NOS1AP: variants seen among roughly 807,000 people sequenced by gnomAD.
NOS1AP encodes the protein carboxyl-terminal PDZ ligand of neuronal nitric oxide synthase protein.
In NOS1AP, 21 loss-of-function variants were observed where a neutral mutation model predicts 56.2. The observed-to-expected ratio is 0.37, with a 90% CI of 0.26 to 0.54. The LOEUF is 0.54. Ranked by LOEUF, NOS1AP falls within the 20% of genes least tolerant of loss-of-function variation. NOS1AP has a pLI of 0.84. For synonymous variants in NOS1AP, 270 were observed against 274.6 expected, an observed-to-expected ratio of 0.98 and a Z score of 0.17; for missense variants, 522 against 657.8, an observed-to-expected ratio of 0.79 and a Z score of 2.26.
At chr1:162,155,915 A>C (rs1649954237) in intron 2 of NOS1AP, among the ~76,000 whole-genome samples, 1 of 152,206 alleles carries the variant, frequency 6.6e-6, no homozygotes, top group Admixed American at 6.5e-5. Context: ...TCTGTAGAAT[A>C]ATCTACTCAC....
chr1:162,169,598 G>A (rs752274702), intron 2 of NOS1AP, among the ~76,000 whole-genome samples: 11 of 152,180 alleles, frequency 7.2e-5, no homozygotes, highest in Non-Finnish European at 1.5e-4. Context: ...CTGTATGCAC[G>A]TGGCATGTGT....
chr1:162,123,847 CCTT>C lies in NOS1AP; in HGVS notation c.106-30552_106-30550del, dbSNP rs1411125499. Among the ~76,000 whole-genome samples, 3 of 152,068 alleles carry C rather than the reference CCTT, an allele frequency of 2.0e-5. No individual in the cohort carries two copies. The East Asian group carries it at 5.8e-4, about 29-fold the overall frequency. ...AAGAGTAAGTTACAGACAAGATGTTCCTTCTTCTATAAGTCCTTCAGAGTGGAT... is the reference window on the plus strand; with the variant it reads ...AAGAGTAAGTTACAGACAAGATGTTCCTTCTATAAGTCCTTCAGAGTGGAT... On this transcript the variant is annotated intron_variant, in intron 1 of 9. Coordinates refer to ENST00000361897, the MANE Select transcript of NOS1AP (RefSeq NM_014697.3).
chr1:162,296,884 C>T (rs1379855564), intron 3 of NOS1AP, among the ~76,000 whole-genome samples: 1 of 152,202 alleles, frequency 6.6e-6, no homozygotes, highest in East Asian at 1.9e-4. Flanking sequence ...AATAGAGTCA[C>T]AGGTCACAAA....
Position 162,070,092 on chromosome 1 carries a change from C to G in NOS1AP, c.-86C>G, listed in dbSNP as rs1028866794. 4.7e-5 allele frequency: 53 copies of G among 1,124,280 alleles called. No individual in the cohort carries two copies. Among genetic ancestry groups the G allele is most frequent in the Non-Finnish European group, 6.8e-5 (51 of 749,572 alleles). The allele number at this position is 1,124,280 out of a possible 1,614,324, so 69.6% of individuals were successfully genotyped here. A position where few individuals can be genotyped will look rare whatever the true frequency, so the allele number is the denominator to read the frequency against. On this transcript the variant is annotated 5_prime_UTR_variant, in exon 1 of 10. Coordinates refer to ENST00000361897, the MANE Select transcript of NOS1AP (RefSeq NM_014697.3). ...CAGGCCCCGCCACGCGTCGCCGCGC[C>G]CAGCTCCAGTCTCCCCTCCCCGGGG...
chr1:162,156,036 G>A (rs935006789), intron 2 of NOS1AP, among the ~76,000 whole-genome samples: 2 of 152,180 alleles, frequency 1.3e-5, no homozygotes, highest in Admixed American at 6.5e-5. Flanking sequence ...TGACAGCAAC[G>A]TTGGGAAGAA....
chr1:162,092,968 T>A (rs1269650483), intron 1 of NOS1AP, among the ~76,000 whole-genome samples: 1 of 152,240 alleles, frequency 6.6e-6, no homozygotes, highest in African/African-American at 2.4e-5. Flanking sequence ...TATTTTCTTT[T>A]GCAGTTTATC....
intron 3 of NOS1AP, among the ~76,000 whole-genome samples, chr1:162,296,822 A>G (rs1357378611): frequency 6.6e-6 from 1 of 152,194 alleles, no homozygotes; most frequent in African/African-American, 2.4e-5. Context: ...AAGAAACATG[A>G]ACTGGCGCCC....
At chr1:162,299,690 C>T (rs1391145167) in intron 3 of NOS1AP, among the ~76,000 whole-genome samples, 4 of 152,042 alleles carry the variant, frequency 2.6e-5, no homozygotes, top group Admixed American at 2.0e-4. Flanking sequence ...TGTTTTTAAA[C>T]CAGTCTAAAA....
intron 1 of NOS1AP, among the ~76,000 whole-genome samples, chr1:162,124,591 T>G (rs577076237): frequency 7.2e-5 from 11 of 151,948 alleles, no homozygotes; most frequent in African/African-American, 2.2e-4. Flanking sequence ...GGCACGATCT[T>G]GGCTCACTGC....
At chr1:162,357,614 G>T (rs1225483728) in intron 8 of NOS1AP, among the ~76,000 whole-genome samples, 1 of 148,684 alleles carries the variant, frequency 6.7e-6, no homozygotes, top group Non-Finnish European at 1.5e-5. Flanking sequence ...GTCTATAACA[G>T]GTTTCCCAGC....
chr1:162,244,912 C>CA (rs1422730459), intron 2 of NOS1AP, among the ~76,000 whole-genome samples: 1 of 152,150 alleles, frequency 6.6e-6, no homozygotes, highest in Non-Finnish European at 1.5e-5. Flanking sequence ...CATGAGTATA[C>CA]ATGCATTTGA....
chr1:162,214,269 GTTCATTCATTCA>G (rs57608978), intron 2 of NOS1AP, among the ~76,000 whole-genome samples: 6 of 150,660 alleles, frequency 4.0e-5, no homozygotes, highest in African/African-American at 1.5e-4. Flanking sequence ...TCGTTCGTTC[GTTCATTCATTCA>G]TTCATTCATT....
intron 4 of NOS1AP, among the ~76,000 whole-genome samples, chr1:162,302,633 T>G (rs556646899): frequency 6.6e-6 from 1 of 152,354 alleles, no homozygotes; most frequent in Admixed American, 6.5e-5. Context: ...CCAAGTAAGC[T>G]GCTGACTTTG....
At chr1:162,311,185 C>T (rs1283832016) in intron 4 of NOS1AP, among the ~76,000 whole-genome samples, 1 of 152,104 alleles carries the variant, frequency 6.6e-6, no homozygotes, top group Non-Finnish European at 1.5e-5. Flanking sequence ...TCCACATTTA[C>T]CCTTGCATTC....
At chr1:162,364,993 C>T (rs1658020985) in intron 8 of NOS1AP, 1 of 1,055,356 alleles carries the variant, frequency 9.5e-7, no homozygotes, top group African/African-American at 1.7e-5. Context: ...TGCCCCCTTC[C>T]ACCTCCAACA....
At position 162,217,302 on chromosome 1, in the gene NOS1AP, C is replaced by T. The variant is rs189925183; in HGVS notation, c.177+62826C>T. On this transcript the variant is annotated intron_variant, in intron 2 of 9. Transcript: ENST00000361897. Reference sequence around the variant, plus strand: ...TTTTTGAGATGAAGTCTCACTCTATCGCCCAGGCTGGAGTGCAATGGCACG... The same window carrying T: ...TTTTTGAGATGAAGTCTCACTCTATTGCCCAGGCTGGAGTGCAATGGCACG... Among the ~76,000 whole-genome samples, 574 of 58,056 alleles carry T rather than the reference C, an allele frequency of 9.9e-3. 5 individuals are homozygous for T. Among genetic ancestry groups the T allele is most frequent in the Non-Finnish European group, 0.014 (449 of 31,016 alleles). 38.1% of individuals were successfully genotyped at this position (58,056 alleles called of 152,430 possible).
intron 4 of NOS1AP, among the ~76,000 whole-genome samples, chr1:162,321,552 C>T (rs949062975): frequency 1.3e-5 from 2 of 151,754 alleles, no homozygotes; most frequent in Admixed American, 1.3e-4. Flanking sequence ...GGGGACATCA[C>T]ACACCAGGGC....
At chr1:162,204,994 T>G (rs1652114304) in intron 2 of NOS1AP, among the ~76,000 whole-genome samples, 1 of 152,204 alleles carries the variant, frequency 6.6e-6, no homozygotes, top group Non-Finnish European at 1.5e-5. Context: ...ACACCAGATA[T>G]TCATGAGGCT....
chr1:162,360,952 A>G (rs1342458842), intron 8 of NOS1AP: 1 of 456,486 alleles, frequency 2.2e-6, no homozygotes, highest in Non-Finnish European at 4.4e-6. Context: ...TGAGGGCGCC[A>G]ATGGTCTGGT....
Sources: gnomAD v4.1 joint callset for allele counts (sites outside exome capture counted in the v4.1 genomes callset) on GRCh38, gnomAD v4.1.1 for gene constraint, MANE v1.5 for transcripts, NCBI Gene and HGNC (gene_info 2026-07-23, HGNC 2026-07-21) for gene names.